POU3F3: variants seen among roughly 807,000 people sequenced by gnomAD.
The protein encoded by POU3F3 is POU class 3 homeobox 3, also known as POU domain, class 3, transcription factor 3.
POU3F3 carries 1 observed loss-of-function variant against 8.6 expected under a neutral mutation model. That is an observed-to-expected ratio of 0.12 (90% CI 0.04 to 0.55). The LOEUF is 0.55. POU3F3 is among the 20% of genes least tolerant of loss of function. The probability of loss-of-function intolerance (pLI) is 0.91; values close to 1 mark genes in which losing one functional copy is unlikely to be tolerated. For missense variants in POU3F3, 577 were observed against 690.7 expected, an observed-to-expected ratio of 0.84 and a Z score of 1.84; for synonymous variants, 418 against 327.4, an observed-to-expected ratio of 1.28 and a Z score of -2.99.
chr2:104,891,039 G>GA, the POU3F3 span, among the ~76,000 whole-genome samples: 1 of 152,154 alleles, frequency 6.6e-6, no homozygotes, highest in Non-Finnish European at 1.5e-5. Flanking sequence ...TCACTTATCT[G>GA]AACCTTGAGG....
the POU3F3 span, among the ~76,000 whole-genome samples, chr2:104,880,261 C>T: frequency 6.6e-6 from 1 of 152,166 alleles, no homozygotes; most frequent in South Asian, 2.1e-4. Context: ...AAAGATTCCT[C>T]GTGCCAGATT....
chr2:104,899,496 T>C, the POU3F3 span, among the ~76,000 whole-genome samples: 3 of 152,210 alleles, frequency 2.0e-5, no homozygotes, highest in Non-Finnish European at 2.9e-5. Context: ...TAGTCTATTA[T>C]GGGTTTGTGT....
the POU3F3 span, among the ~76,000 whole-genome samples, chr2:104,880,193 C>T: frequency 6.6e-6 from 1 of 152,124 alleles, no homozygotes; most frequent in Non-Finnish European, 1.5e-5. Flanking sequence ...CCCGCCTCCG[C>T]CCCCCACCAC....
chr2:104,917,284 A>G, the POU3F3 span, among the ~76,000 whole-genome samples: 1 of 152,124 alleles, frequency 6.6e-6, no homozygotes, highest in Non-Finnish European at 1.5e-5. Flanking sequence ...TATTTATCCT[A>G]TGGGTTTCGT....
chr2:104,918,731 C>T, the POU3F3 span, among the ~76,000 whole-genome samples: 1 of 151,898 alleles, frequency 6.6e-6, no homozygotes, highest in Non-Finnish European at 1.5e-5. Context: ...AGCTCCAGAA[C>T]TGGGAGATGA....
chr2:104,859,207 G>A (rs1676627460), downstream of POU3F3, among the ~76,000 whole-genome samples: 1 of 152,058 alleles, frequency 6.6e-6, no homozygotes, highest in Non-Finnish European at 1.5e-5. Flanking sequence ...TACCATCTGT[G>A]CAATTACCAA....
At chr2:104,899,362 A>C in the POU3F3 span, among the ~76,000 whole-genome samples, 6 of 152,206 alleles carry the variant, frequency 3.9e-5, no homozygotes, top group African/African-American at 1.4e-4. Flanking sequence ...AGAGAAACTA[A>C]AAAGAGACCC....
At chr2:104,877,617 C>T in the POU3F3 span, among the ~76,000 whole-genome samples, 2 of 151,530 alleles carry the variant, frequency 1.3e-5, no homozygotes, top group Admixed American at 6.6e-5. Flanking sequence ...GCCACAGTCT[C>T]TGGGCTCAAT....
the POU3F3 span, among the ~76,000 whole-genome samples, chr2:104,910,788 G>T: frequency 2.2e-4 from 33 of 152,096 alleles, no homozygotes; most frequent in African/African-American, 7.5e-4. Flanking sequence ...TGTATTCATG[G>T]GTTCCACATC....
the POU3F3 span, among the ~76,000 whole-genome samples, chr2:104,915,897 C>A: frequency 6.6e-6 from 1 of 151,918 alleles, no homozygotes; most frequent in African/African-American, 2.4e-5. Context: ...ATGCTAATTG[C>A]CATTCCTAGG....
the POU3F3 span, among the ~76,000 whole-genome samples, chr2:104,890,102 C>T: frequency 2.2e-4 from 34 of 152,042 alleles, no homozygotes; most frequent in Non-Finnish European, 4.4e-4. Context: ...AGGTCCCAAG[C>T]GAGATAGCCA....
chr2:104,856,027 G>C lies in POU3F3; in HGVS notation c.517G>C (p.Gly173Arg). ...GCACCACCGCGGGCCGCCGCACCTC[G>C]GACCCCCGCCGCCGCCCCCACACCA... ...ALHHRGPPHLGPPPPPPHQGH... is the reference protein window; with the variant it reads ...ALHHRGPPHLRPPPPPPHQGH... The change falls in exon 1 of 1, where the codon GGA becomes CGA. Residue 173 changes from glycine to arginine, a missense_variant. By Grantham distance (125) the Gly-to-Arg change is moderately radical. Around this residue, in one of 7 missense-constraint regions of POU3F3, gnomAD observed 484 missense variants for 422.6 expected, o/e 1.15. Transcript: ENST00000361360. The C allele has an allele frequency of 2.0e-6, 2 of 985,614 alleles. No individual in the cohort carries two copies. The highest frequency in any genetic ancestry group is 2.4e-6 in the Non-Finnish European group (2 of 833,558). 61.1% of individuals were successfully genotyped at this position (985,614 alleles called of 1,614,324 possible). A position where few individuals can be genotyped will look rare whatever the true frequency, so the allele number is the denominator to read the frequency against.
chr2:104,857,098 C>A lies in POU3F3; in HGVS notation c.*85C>A, dbSNP rs1374098624. 1 of 977,256 alleles carries A rather than the reference C, an allele frequency of 1.0e-6. No homozygotes were observed. 60.5% of individuals were successfully genotyped at this position (977,256 alleles called of 1,614,324 possible). ...ACCGCCGCCGCCCCTGCCGCCGCCG[C>A]CGCCGCCGCCGCCGCCGCTGCCGCC... On this transcript the variant is annotated 3_prime_UTR_variant, in exon 1 of 1. Coordinates refer to ENST00000361360, the MANE Select transcript of POU3F3 (RefSeq NM_006236.3).
chr2:104,886,087 G>A, the POU3F3 span, among the ~76,000 whole-genome samples: 17 of 152,104 alleles, frequency 1.1e-4, no homozygotes, highest in South Asian at 2.1e-4. Flanking sequence ...GTGAGCCACC[G>A]TGCCTGGCCT....
At chr2:104,885,500 T>C in the POU3F3 span, among the ~76,000 whole-genome samples, 2 of 152,220 alleles carry the variant, frequency 1.3e-5, no homozygotes, top group Non-Finnish European at 2.9e-5. Context: ...AAGAAGGCGA[T>C]GAAAGTGACC....
the POU3F3 span, among the ~76,000 whole-genome samples, chr2:104,876,927 A>G: frequency 2.0e-5 from 3 of 152,172 alleles, no homozygotes; most frequent in African/African-American, 7.2e-5. Context: ...GGGATTGGGA[A>G]CACCCAGCAC....
chr2:104,855,977 A>G lies in POU3F3; in HGVS notation c.467A>G (p.Asp156Gly). Residue 156 changes from aspartate (D) to glycine (G), a missense_variant, in exon 1 of 1, where the codon GAC (aspartate) becomes GGC (glycine). This residue lies in a region of POU3F3 where 484 missense variants were observed against 422.6 expected (regional missense o/e 1.15). Coordinates refer to ENST00000361360, the MANE Select transcript of POU3F3 (RefSeq NM_006236.3). ...GACGTGAAGGGCGGCGCCGGGCGCGACGACCTGCACGCGGGCACAGCGCTG... is the reference window on the plus strand; with the variant it reads ...GACGTGAAGGGCGGCGCCGGGCGCGGCGACCTGCACGCGGGCACAGCGCTG... ...GPDVKGGAGR[D>G]DLHAGTALHH... 1 of 1,026,834 alleles carries G rather than the reference A, an allele frequency of 9.7e-7. No homozygotes were observed. The highest frequency in any genetic ancestry group is 1.2e-6 in the Non-Finnish European group (1 of 861,152). 63.6% of individuals were successfully genotyped at this position (1,026,834 alleles called of 1,614,324 possible).
the POU3F3 span, among the ~76,000 whole-genome samples, chr2:104,914,820 C>G: frequency 3.9e-5 from 6 of 152,194 alleles, no homozygotes; most frequent in South Asian, 1.2e-3. Context: ...CTGACCCGGA[C>G]AGTAGGTTTG....
the POU3F3 span, among the ~76,000 whole-genome samples, chr2:104,917,872 T>C: frequency 1.3e-5 from 2 of 151,984 alleles, no homozygotes; most frequent in Non-Finnish European, 2.9e-5. Context: ...AGCAGCAGAG[T>C]TGGGGAATGG....
Sources: allele counts gnomAD v4.1 joint callset (sites outside exome capture counted in the v4.1 genomes callset), GRCh38; gene constraint gnomAD v4.1.1; regional missense constraint gnomAD v4.1.1; transcripts MANE v1.5; gene names NCBI Gene and HGNC (gene_info 2026-07-23, HGNC 2026-07-21).